The following AUTS2 variants were observed in gnomAD, a reference collection of about 807,000 sequenced individuals.
AUTS2 encodes autism susceptibility gene 2 protein.
Under a neutral mutation model 112.4 loss-of-function variants are expected in AUTS2, and 17 were observed. That is an observed-to-expected ratio of 0.15 (90% CI 0.10 to 0.23). The LOEUF (loss-of-function observed/expected upper bound fraction) is 0.23, where lower values mean the gene tolerates loss of function less well. AUTS2 is among the 10% of genes least tolerant of loss of function. The pLI is 1.00. For missense variants in AUTS2, 1,510 were observed against 1,701.6 expected (o/e 0.89, Z 1.98); for synonymous variants, 751 against 702.7 (o/e 1.07, Z -1.09).
At chr7:69,964,884 C>G (rs1031773409) in intron 2 of AUTS2, among the ~76,000 whole-genome samples, 1 of 151,964 alleles carries the variant, frequency 6.6e-6, no homozygotes, top group Non-Finnish European at 1.5e-5. Flanking sequence ...TTTTGCAGAC[C>G]ATGAGCTCCT....
intron 1 of AUTS2, among the ~76,000 whole-genome samples, chr7:69,771,787 T>C (rs1449400049): frequency 3.6e-5 from 2 of 55,322 alleles, no homozygotes; most frequent in Admixed American, 1.9e-4. Context: ...TCATGTGACC[T>C]TTTTTTTTTT....
At chr7:70,288,792 G>A (rs931250196) in intron 4 of AUTS2, among the ~76,000 whole-genome samples, 1 of 152,144 alleles carries the variant, frequency 6.6e-6, no homozygotes, top group Non-Finnish European at 1.5e-5. Context: ...TAGTGAGAAT[G>A]CATATAAAAT....
At chr7:69,959,107 T>G (rs1049229814) in intron 2 of AUTS2, among the ~76,000 whole-genome samples, 3 of 152,198 alleles carry the variant, frequency 2.0e-5, no homozygotes, top group African/African-American at 7.2e-5. Context: ...TTTAAGGCAG[T>G]GTGGAAGAAC....
intron 5 of AUTS2, among the ~76,000 whole-genome samples, chr7:70,526,699 T>C (rs1799853705): frequency 6.6e-6 from 1 of 152,164 alleles, no homozygotes; most frequent in Non-Finnish European, 1.5e-5. Context: ...TCTGTTCTTC[T>C]CTTCATGACT....
intron 1 of AUTS2, among the ~76,000 whole-genome samples, chr7:69,604,098 C>T (rs1792582058): frequency 6.6e-6 from 1 of 152,162 alleles, no homozygotes; most frequent in South Asian, 2.1e-4. Flanking sequence ...GCTTTATAGG[C>T]TTATGAAAGT....
intron 5 of AUTS2, among the ~76,000 whole-genome samples, chr7:70,495,908 C>A (rs971848523): frequency 1.4e-5 from 2 of 142,904 alleles, no homozygotes; most frequent in Non-Finnish European, 3.0e-5. Context: ...TCACACATCC[C>A]ACTCACACAC....
intron 4 of AUTS2, among the ~76,000 whole-genome samples, chr7:70,380,853 T>C (rs1176669277): frequency 1.3e-5 from 2 of 152,176 alleles, no homozygotes; most frequent in Non-Finnish European, 2.9e-5. Flanking sequence ...ACCAAAGAAA[T>C]ATTCAAAACT....
intron 5 of AUTS2, among the ~76,000 whole-genome samples, chr7:70,630,600 T>A (rs1427932072): frequency 6.6e-6 from 1 of 152,166 alleles, no homozygotes; most frequent in Non-Finnish European, 1.5e-5. Flanking sequence ...ACCAGAAAAA[T>A]CTGGCTGGAG....
chr7:69,886,729 T>A (rs1562950433), intron 1 of AUTS2, among the ~76,000 whole-genome samples: 1 of 151,166 alleles, frequency 6.6e-6, no homozygotes, highest in Non-Finnish European at 1.5e-5. Flanking sequence ...ATATCAAGAG[T>A]TCTCTGCTGC....
rs530649349 is a variant in AUTS2 at position 70,159,713 on chromosome 7, T to G, written c.660+25142T>G. Reference sequence around the variant, plus strand: ...AATCTTCTAACTATACAGACTGTGTTACTTATCAGAAATAATAGTTTATGA... The same window carrying G: ...AATCTTCTAACTATACAGACTGTGTGACTTATCAGAAATAATAGTTTATGA... On this transcript the variant is annotated intron_variant, in intron 4 of 18. Transcript: ENST00000342771. Among the ~76,000 whole-genome samples, 70 of 152,328 alleles carry G rather than the reference T, an allele frequency of 4.6e-4. 1 individual carries two copies. The highest frequency in any genetic ancestry group is 1.5e-3 in the African/African-American group (62 of 41,582).
chr7:70,695,700 C>T (rs1341106882), intron 5 of AUTS2, among the ~76,000 whole-genome samples: 1 of 145,618 alleles, frequency 6.9e-6, no homozygotes, highest in Non-Finnish European at 1.6e-5. Flanking sequence ...TCCGCGTTCC[C>T]GCCTCCAATC....
chr7:70,335,756 C>T (rs1250747590), intron 4 of AUTS2, among the ~76,000 whole-genome samples: 1 of 152,164 alleles, frequency 6.6e-6, no homozygotes, highest in Non-Finnish European at 1.5e-5. Flanking sequence ...TAAGTTTTTT[C>T]CAACAGCAGG....
At chr7:70,023,901 C>T (rs1800396954) in intron 2 of AUTS2, among the ~76,000 whole-genome samples, 1 of 152,122 alleles carries the variant, frequency 6.6e-6, no homozygotes, top group African/African-American at 2.4e-5. Context: ...TCTGTGGTGT[C>T]TTTATGCATT....
At position 70,581,352 on chromosome 7, in the gene AUTS2, T is replaced by C. The variant is rs200395878; in HGVS notation, c.691-117217T>C. On this transcript the variant is annotated intron_variant, in intron 5 of 18. Transcript: ENST00000342771. Reference sequence around the variant, plus strand: ...GGTGAGCCGAGATTGCGCCATTGCATTCCAGCCTGGGCAAGAAGAGCGAAA... The same window carrying C: ...GGTGAGCCGAGATTGCGCCATTGCACTCCAGCCTGGGCAAGAAGAGCGAAA... Among the ~76,000 whole-genome samples the C allele has an allele frequency of 1.8e-4, 27 of 152,194 alleles. No homozygotes were observed. The East Asian group carries it at 3.7e-3, about 21-fold the overall frequency.
intron 4 of AUTS2, among the ~76,000 whole-genome samples, chr7:70,424,637 A>G (rs1038919155): frequency 1.3e-5 from 2 of 152,046 alleles, no homozygotes; most frequent in Non-Finnish European, 2.9e-5. Context: ...CCCAGGCTAG[A>G]GCACAATGAC....
chr7:70,369,513 G>A (rs575811750), intron 4 of AUTS2, among the ~76,000 whole-genome samples: 12 of 152,306 alleles, frequency 7.9e-5, no homozygotes, highest in African/African-American at 2.6e-4. Context: ...GGAAAGGAGG[G>A]CACCAGAGTG....
chr7:69,643,146 T>A (rs1456994569), intron 1 of AUTS2, among the ~76,000 whole-genome samples: 1 of 152,218 alleles, frequency 6.6e-6, no homozygotes. Flanking sequence ...GCCACCCACA[T>A]ATCCTTGTAA....
chr7:70,001,680 G>A (rs1234383725), intron 2 of AUTS2, among the ~76,000 whole-genome samples: 1 of 151,316 alleles, frequency 6.6e-6, no homozygotes, highest in Admixed American at 6.6e-5. Context: ...CAAGGCTCCT[G>A]ATGCAATTGA....
chr7:70,740,412 T>A (rs371538409), intron 6 of AUTS2, among the ~76,000 whole-genome samples: 1 of 152,220 alleles, frequency 6.6e-6, no homozygotes, highest in Admixed American at 6.5e-5. Flanking sequence ...CCTTTGCTGC[T>A]TCAGAGGACT....
Sources: gnomAD v4.1 joint callset for allele counts (sites outside exome capture counted in the v4.1 genomes callset) on GRCh38, gnomAD v4.1.1 for gene constraint, MANE v1.5 for transcripts, NCBI Gene and HGNC (gene_info 2026-07-23, HGNC 2026-07-21) for gene names.